Variants in DSCAML1 observed in about 807,000 individuals in gnomAD.
The protein encoded by DSCAML1 is cell adhesion molecule DSCAML1.
In DSCAML1, 38 loss-of-function variants were observed where a neutral mutation model predicts 200.5. The observed-to-expected ratio is 0.19, with a 90% CI of 0.15 to 0.25. The LOEUF (loss-of-function observed/expected upper bound fraction) is 0.25. DSCAML1 is among the 10% of genes least tolerant of loss of function. DSCAML1 has a pLI of 1.00. For missense variants in DSCAML1, 2,223 were observed against 2,858.8 expected (o/e 0.78, Z 5.07); for synonymous variants, 1,215 against 1,165.0 (o/e 1.04, Z -0.87).
chr11:117,491,904 G>C lies in DSCAML1; in HGVS notation c.2360-9742C>G, dbSNP rs182235645. On this transcript the variant is annotated intron_variant, in intron 11 of 32. Transcript: ENST00000651296. ...AAGAAAAATGCACGTGAATTTGGGG[G>C]AAAGAAGATTGGTCTGGGAGCCAGG... is the stretch of plus-strand genomic sequence containing the variant. Among the ~76,000 whole-genome samples the C allele has an allele frequency of 2.0e-3, 304 of 152,318 alleles. 2 individuals are homozygous for C. Among genetic ancestry groups the C allele is most frequent in the African/African-American group, 6.6e-3 (273 of 41,570 alleles).
At chr11:117,586,765 C>T (rs1043176483) in intron 3 of DSCAML1, among the ~76,000 whole-genome samples, 1 of 152,194 alleles carries the variant, frequency 6.6e-6, no homozygotes, top group African/African-American at 2.4e-5. Context: ...TACAAAGATT[C>T]CTTAAGCTCT....
chr11:117,509,654 G>A (rs1247442930), intron 8 of DSCAML1, among the ~76,000 whole-genome samples: 1 of 152,198 alleles, frequency 6.6e-6, no homozygotes, highest in East Asian at 1.9e-4. Context: ...TGCTGTGAGT[G>A]GGGTCTCCAA....
Position 117,651,711 on chromosome 11 carries a change from C to CAAAAA in DSCAML1, c.512-119194_512-119190dup, listed in dbSNP as rs1193144259. Among the ~76,000 whole-genome samples, 59 of 31,098 alleles carry CAAAAA rather than the reference C, an allele frequency of 1.9e-3. 2 individuals are homozygous for CAAAAA. Among genetic ancestry groups the CAAAAA allele is most frequent in the Non-Finnish European group, 3.8e-3 (48 of 12,758 alleles). The allele number at this position is 31,098 out of a possible 152,430, so 20.4% of individuals were successfully genotyped here. A position where few individuals can be genotyped will look rare whatever the true frequency, so the allele number is the denominator to read the frequency against. ...TGGGCGACAGAGCAAGACTCTGTCT[C>CAAAAA]AAAAAAAAAAAAAAAAAAAAAAAAA... On this transcript the variant is annotated intron_variant, in intron 3 of 32. Transcript: ENST00000651296.
intron 1 of DSCAML1, among the ~76,000 whole-genome samples, chr11:117,811,618 G>A (rs75341716): frequency 2.6e-5 from 4 of 152,140 alleles, no homozygotes; most frequent in East Asian, 1.9e-4. Context: ...CTCCTAAGCC[G>A]TGTCCCATCT....
chr11:117,771,620 C>G (rs570165444), intron 3 of DSCAML1, among the ~76,000 whole-genome samples: 1 of 152,290 alleles, frequency 6.6e-6, no homozygotes, highest in Non-Finnish European at 1.5e-5. Context: ...CCAGTCTGCT[C>G]CAGAGAGGCG....
At chr11:117,745,240 G>A (rs193226971) in intron 3 of DSCAML1, among the ~76,000 whole-genome samples, 6 of 151,446 alleles carry the variant, frequency 4.0e-5, no homozygotes, top group Non-Finnish European at 7.4e-5. Context: ...GGGTGGCTGC[G>A]TGAGCATGTT....
In DSCAML1 at chr11:117,480,568, G is replaced by A; in HGVS notation, c.2660C>T (p.Pro887Leu). The change falls in exon 14 of 33, where the codon CCC (proline) becomes CTC (leucine). Residue 887 changes from proline (P) to leucine (L), a missense_variant. Physicochemically the swap from Pro to Leu is moderately conservative, Grantham distance 98. Transcript: ENST00000651296. The surrounding 1 kb of genome is among the most constrained non-coding windows in gnomAD (Gnocchi z 4.1). Reference sequence around the variant, plus strand: ...GATCTCCAGCTCTGGGGGGTCGGGGGGCTCTAGGGTGCGGCAGTGGAGGGG... The same window carrying A: ...GATCTCCAGCTCTGGGGGGTCGGGGAGCTCTAGGGTGCGGCAGTGGAGGGG... ...RGLIQLTVQE[P>L]PDPPELEIRE... 6.4e-7 allele frequency: 1 copy of A among 1,559,604 alleles called. No individual in the cohort carries two copies. Among genetic ancestry groups the A allele is most frequent in the Non-Finnish European group, 8.7e-7 (1 of 1,151,328 alleles).
In DSCAML1 at chr11:117,437,514, T is replaced by C; in HGVS notation, c.4433-105A>G. The C allele has an allele frequency of 7.4e-7, 1 of 1,360,020 alleles. No individual in the cohort carries two copies. Among genetic ancestry groups the C allele is most frequent in the Non-Finnish European group, 1.0e-6 (1 of 986,786 alleles). 84.2% of individuals were successfully genotyped at this position (1,360,020 alleles called of 1,614,324 possible). ...TTCCCTGGGGCAGCTGGGATGGCAG[T>C]GGCTCCAGGAGAATACATGTTTGGC... is the stretch of plus-strand genomic sequence containing the variant. On this transcript the variant is annotated intron_variant, in intron 25 of 32. Transcript: ENST00000651296. This position sits in a 1 kb window ranked among gnomAD's most constrained non-coding sequence, Gnocchi z 5.3.
intron 8 of DSCAML1, among the ~76,000 whole-genome samples, chr11:117,508,674 C>T (rs908653524): frequency 4.6e-5 from 7 of 151,986 alleles, no homozygotes; most frequent in African/African-American, 7.3e-5. Flanking sequence ...GCCCTGTGTA[C>T]GCTTGAACAC....
At chr11:117,491,194 A>G (rs184746886) in intron 11 of DSCAML1, among the ~76,000 whole-genome samples, 1 of 152,330 alleles carries the variant, frequency 6.6e-6, no homozygotes, top group Admixed American at 6.5e-5. Context: ...TTGAACTCCA[A>G]AAGGAAGCCT....
chr11:117,772,464 T>C (rs985017116), intron 3 of DSCAML1, among the ~76,000 whole-genome samples: 6 of 152,164 alleles, frequency 3.9e-5, no homozygotes, highest in East Asian at 1.9e-4. Context: ...CCCATTTGCA[T>C]GGACAAAGGA....
chr11:117,428,426 C>A lies in DSCAML1; in HGVS notation c.6064G>T (p.Gly2022Cys), dbSNP rs1408164374. Residue 2022 changes from glycine (G) to cysteine (C), a missense_variant, in exon 33 of 33, where the codon GGC (glycine) becomes TGC (cysteine). This residue lies in a region of DSCAML1 where 280 missense variants were observed against 213.4 expected (regional missense o/e 1.31). Transcript: ENST00000651296. ...ATCTCGAGAAGCGAGTCCCTGGAGC[C>A]CCCCATTTTGGTGTGTGGGCCCCCG... ...RAGGPHTKMG[G>C]SRDSLLEMST... 1 of 1,552,412 alleles carries A rather than the reference C, an allele frequency of 6.4e-7. No individual in the cohort carries two copies. The highest frequency in any genetic ancestry group is 2.3e-5 in the East Asian group (1 of 44,232).
chr11:117,450,441 A>C, intron 20 of DSCAML1, 108 bp downstream of exon 20: 1 of 1,445,808 alleles, frequency 6.9e-7, no homozygotes, highest in Non-Finnish European at 9.3e-7. Context: ...ATCCAGGCAG[A>C]AGCTCAGATA....
At chr11:117,729,175 C>T (rs1300882667) in intron 3 of DSCAML1, among the ~76,000 whole-genome samples, 2 of 152,170 alleles carry the variant, frequency 1.3e-5, no homozygotes, top group African/African-American at 4.8e-5. Context: ...GGGGAAAGGA[C>T]AATGTTTTCA....
In DSCAML1 at chr11:117,777,066, C is replaced by T. The variant is rs1038646768; in HGVS notation, c.365-129G>A. 4.0e-6 allele frequency: 4 copies of T among 998,482 alleles called. No homozygotes were observed. In the East Asian group the frequency reaches 7.9e-5, roughly 20 times the overall value. The allele number at this position is 998,482 out of a possible 1,614,324, so 61.9% of individuals were successfully genotyped here. A position where few individuals can be genotyped will look rare whatever the true frequency, so the allele number is the denominator to read the frequency against. On this transcript the variant is annotated intron_variant, in intron 2 of 32. Transcript: ENST00000651296. The stretch of plus-strand genomic sequence containing the variant: ...CCTCACCTTCCCACTTCTTCCTTCC[C>T]CCATCCTGCTTAGCCAGCCTAGAAG...
Position 117,641,908 on chromosome 11 carries a change from C to T in DSCAML1, c.512-109386G>A, listed in dbSNP as rs200640312. Among the ~76,000 whole-genome samples the T allele has an allele frequency of 1.4e-4, 21 of 152,110 alleles. 1 individual carries two copies. The highest frequency in any genetic ancestry group is 5.8e-4 in the East Asian group (3 of 5,184). On this transcript the variant is annotated intron_variant, in intron 3 of 32. Coordinates refer to ENST00000651296, the MANE Select transcript of DSCAML1 (RefSeq NM_020693.4). ...GAGGTACTATTGAGTCCGTCTTACCCACGAGGGAAACTGAGACTCAGGGAC... is the reference window on the plus strand; with the variant it reads ...GAGGTACTATTGAGTCCGTCTTACCTACGAGGGAAACTGAGACTCAGGGAC...
chr11:117,503,976 C>T lies in DSCAML1; in HGVS notation c.2228G>A (p.Arg743His), dbSNP rs1366888068. The stretch of plus-strand genomic sequence containing the variant: ...CGAGCTGTTGGGCAGGATCTGGATG[C>T]GGCCAGTGAGGGGCACAGGGTGGTA... ...QQYHPVPLTG[R>H]IQILPNSSLL... Residue 743 changes from arginine (R) to histidine (H), a missense_variant, in exon 11 of 33, where the codon CGC becomes CAC. Arg to His is a conservative substitution (Grantham distance 29). Coordinates refer to ENST00000651296, the MANE Select transcript of DSCAML1 (RefSeq NM_020693.4). The surrounding 1 kb of genome is among the most constrained non-coding windows in gnomAD (Gnocchi z 5.2). 8.7e-6 allele frequency: 14 copies of T among 1,613,990 alleles called. No individual in the cohort carries two copies. The highest frequency in any genetic ancestry group is 1.6e-4 in the Middle Eastern group (1 of 6,084).
At chr11:117,465,275 C>T (rs663191) in intron 16 of DSCAML1, 93 bp from the exon 17 acceptor site, 109,204 of 1,520,170 alleles carry the variant, frequency 0.072, 4,293 homozygotes, top group Admixed American at 0.086. Context: ...ACTCCTCTGC[C>T]CCAGCCCTTC....
intron 3 of DSCAML1, among the ~76,000 whole-genome samples, chr11:117,603,201 G>A (rs1238156738): frequency 6.6e-6 from 1 of 152,236 alleles, no homozygotes; most frequent in Non-Finnish European, 1.5e-5. Flanking sequence ...GCTATGGTGG[G>A]AAATTAGAAT....
Sources: allele counts gnomAD v4.1 joint callset (sites outside exome capture counted in the v4.1 genomes callset), GRCh38; gene constraint gnomAD v4.1.1; regional missense constraint gnomAD v4.1.1; non-coding constraint Gnocchi (gnomAD v3.1); transcripts MANE v1.5; gene names NCBI Gene and HGNC (gene_info 2026-07-23, HGNC 2026-07-21).